CEP112: variants seen among roughly 807,000 people sequenced by gnomAD.
CEP112 encodes centrosomal protein 112.
CEP112 carries 127 observed loss-of-function variants against 153.0 expected under a neutral mutation model. The ratio of observed to expected loss-of-function variants is 0.83; its 90% CI spans 0.72 to 0.96. The LOEUF (loss-of-function observed/expected upper bound fraction) is 0.96, where lower values mean the gene tolerates loss of function less well. Among genes scored for constraint, CEP112 ranks in the 40% least tolerant of loss-of-function variants. The probability of loss-of-function intolerance (pLI) is 0.00; values close to 1 mark genes in which losing one functional copy is unlikely to be tolerated. For missense variants in CEP112, 1,089 were observed against 1,101.2 expected (o/e 0.99, Z 0.16); for synonymous variants, 358 against 374.4 (o/e 0.96, Z 0.51).
Position 65,736,943 on chromosome 17 carries a change from A to G in CEP112, c.2607+6125T>C, listed in dbSNP as rs559811927. On this transcript the variant is annotated intron_variant, in intron 23 of 26. Coordinates refer to ENST00000535342, the MANE Select transcript of CEP112 (RefSeq NM_001199165.4). ...GCCTGGAGTCAAACCCAGTCAGTCA[A>G]TGCACATTCTGAATTTGAGCCACAA... Among the ~76,000 whole-genome samples, 79 of 152,316 alleles carry G rather than the reference A, an allele frequency of 5.2e-4. 1 individual carries two copies. The highest frequency in any genetic ancestry group is 1.7e-3 in the African/African-American group (70 of 41,576).
intron 21 of CEP112, among the ~76,000 whole-genome samples, chr17:65,810,900 A>G (rs1014946087): frequency 6.6e-6 from 1 of 152,200 alleles, no homozygotes; most frequent in African/African-American, 2.4e-5. Flanking sequence ...ACATGGATAT[A>G]GATGCAATTG....
chr17:65,690,604 T>C (rs966792252), intron 23 of CEP112, among the ~76,000 whole-genome samples: 3 of 151,924 alleles, frequency 2.0e-5, no homozygotes, highest in Non-Finnish European at 2.9e-5. Flanking sequence ...AGATTTTAAA[T>C]AGATGGTCCA....
chr17:66,151,328 T>C (rs1351889133), intron 4 of CEP112, among the ~76,000 whole-genome samples: 1 of 152,224 alleles, frequency 6.6e-6, no homozygotes, highest in Non-Finnish European at 1.5e-5. Flanking sequence ...TCCTTCTAGT[T>C]ACACATCCTT....
chr17:65,852,212 T>TTCCTTCCCTTCCCTTTCCTTCCC (rs2057960156), intron 20 of CEP112, among the ~76,000 whole-genome samples, 178 bp from the exon 21 acceptor site: 1 of 112,656 alleles, frequency 8.9e-6, no homozygotes, highest in East Asian at 4.4e-4. Flanking sequence ...CCTTCCTTCC[T>TTCCTTCCCTTCCCTTTCCTTCCC]TCCCTCCCTC....
intron 4 of CEP112, among the ~76,000 whole-genome samples, chr17:66,140,813 T>A (rs1463196417): frequency 6.6e-6 from 1 of 151,932 alleles, no homozygotes; most frequent in East Asian, 1.9e-4. Flanking sequence ...AATTTTTTTT[T>A]TATTTTTATT....
intron 6 of CEP112, among the ~76,000 whole-genome samples, chr17:66,114,848 T>C (rs369698712): frequency 6.6e-6 from 1 of 152,094 alleles, no homozygotes; most frequent in Admixed American, 6.6e-5. Flanking sequence ...GGAAAACATA[T>C]ATTAAAACCA....
chr17:65,701,724 A>G (rs1200387039), intron 23 of CEP112, among the ~76,000 whole-genome samples: 1 of 152,078 alleles, frequency 6.6e-6, no homozygotes, highest in African/African-American at 2.4e-5. Context: ...GACTAAACTC[A>G]TAATTTTCCC....
chr17:65,768,319 G>C (rs2053125599), intron 21 of CEP112, among the ~76,000 whole-genome samples: 1 of 152,058 alleles, frequency 6.6e-6, no homozygotes, highest in East Asian at 1.9e-4. Flanking sequence ...GTGACATCTT[G>C]ATGTTGAGTA....
chr17:65,805,161 T>C (rs1237181383), intron 21 of CEP112, among the ~76,000 whole-genome samples: 3 of 152,132 alleles, frequency 2.0e-5, no homozygotes, highest in Admixed American at 1.3e-4. Flanking sequence ...AAGTAATCTT[T>C]ATAGTGGCAG....
intron 17 of CEP112, among the ~76,000 whole-genome samples, chr17:65,971,605 T>C (rs991370411): frequency 1.9e-5 from 1 of 54,016 alleles, no homozygotes; most frequent in Non-Finnish European, 4.2e-5. Flanking sequence ...GCATATTGTG[T>C]GCATATTATA....
chr17:65,846,433 G>A (rs951061042), intron 21 of CEP112, among the ~76,000 whole-genome samples: 3 of 152,198 alleles, frequency 2.0e-5, no homozygotes, highest in African/African-American at 4.8e-5. Flanking sequence ...TGAATACAAA[G>A]ATGTATCATA....
intron 8 of CEP112, among the ~76,000 whole-genome samples, chr17:66,075,516 CAG>C (rs2067458703): frequency 6.6e-6 from 1 of 151,656 alleles, no homozygotes. Context: ...AAAGGAGCAA[CAG>C]AGTAGTGAAA....
chr17:65,720,820 T>G (rs1004238416), intron 23 of CEP112, among the ~76,000 whole-genome samples: 6 of 152,214 alleles, frequency 3.9e-5, no homozygotes, highest in African/African-American at 1.4e-4. Context: ...ATTAGTTCAC[T>G]CGATTCTTGC....
rs548126363 is a variant in CEP112, at chr17:65,725,465, G to A, written c.2607+17603C>T. ...CCTGAGTAGCTGAGATTACAGGTGC[G>A]CACCACCGCGCCTGGCTAATCTTTT... On this transcript the variant is annotated intron_variant, in intron 23 of 26. Transcript: ENST00000535342. Among the ~76,000 whole-genome samples, 16 of 151,852 alleles carry A rather than the reference G, an allele frequency of 1.1e-4. No individual in the cohort carries two copies. In the South Asian group the frequency reaches 1.9e-3, roughly 18 times the overall value.
chr17:65,895,335 T>C (rs2059622395), intron 20 of CEP112, among the ~76,000 whole-genome samples: 1 of 71,030 alleles, frequency 1.4e-5, no homozygotes, highest in Non-Finnish European at 5.2e-5. Flanking sequence ...CCATAAATAC[T>C]TGTTGTTGTT....
chr17:65,783,931 T>G (rs1249841218), intron 21 of CEP112, among the ~76,000 whole-genome samples: 1 of 152,238 alleles, frequency 6.6e-6, no homozygotes, highest in Admixed American at 6.5e-5. Flanking sequence ...TAAACCAACC[T>G]GGGTGGTGTG....
At chr17:66,096,677 G>A (rs1045978770) in intron 6 of CEP112, 45 bp from the exon 7 acceptor site, 6 of 1,230,238 alleles carry the variant, frequency 4.9e-6, no homozygotes, top group Non-Finnish European at 7.0e-6. Context: ...ATTAATTTTG[G>A]AGTTTTAATT....
intron 19 of CEP112, among the ~76,000 whole-genome samples, chr17:65,925,787 C>A (rs1342276726): frequency 6.6e-6 from 1 of 151,776 alleles, no homozygotes; most frequent in East Asian, 1.9e-4. Flanking sequence ...AGCAAATGCT[C>A]AAAATATTTC....
chr17:65,859,261 CA>C (rs2146371064), intron 20 of CEP112, among the ~76,000 whole-genome samples: 1 of 151,456 alleles, frequency 6.6e-6, no homozygotes, highest in African/African-American at 2.4e-5. Flanking sequence ...GGCAACATGG[CA>C]AAACCCGTCT....
Sources: allele counts gnomAD v4.1 joint callset (sites outside exome capture counted in the v4.1 genomes callset), GRCh38; gene constraint gnomAD v4.1.1; transcripts MANE v1.5; gene names NCBI Gene and HGNC (gene_info 2026-07-23, HGNC 2026-07-21).